The following RABGAP1L variants were observed in gnomAD, a reference collection of about 807,000 sequenced individuals.
The protein encoded by RABGAP1L is rab GTPase-activating protein 1-like.
A neutral mutation model predicts 137.7 loss-of-function variants in RABGAP1L; 63 were observed. The ratio of observed to expected loss-of-function variants is 0.46; its 90% CI spans 0.37 to 0.56. The LOEUF is 0.56. Ranked by LOEUF, RABGAP1L falls within the 20% of genes least tolerant of loss-of-function variation. The pLI, the probability that RABGAP1L is intolerant of heterozygous loss-of-function variation, is 0.00. For missense variants in RABGAP1L, 1,095 were observed against 1,244.0 expected (o/e 0.88, Z 1.80); for synonymous variants, 431 against 433.7 (o/e 0.99, Z 0.08).
At chr1:174,188,628 TTC>T (rs1439088473) in intron 1 of RABGAP1L, among the ~76,000 whole-genome samples, 3 of 152,242 alleles carry the variant, frequency 2.0e-5, no homozygotes, top group African/African-American at 7.2e-5. Flanking sequence ...CTTTTGTGTC[TTC>T]TCTTTTTCCT....
At chr1:174,762,974 C>G (rs1685352767) in intron 18 of RABGAP1L, among the ~76,000 whole-genome samples, 1 of 151,882 alleles carries the variant, frequency 6.6e-6, no homozygotes, top group Non-Finnish European at 1.5e-5. Context: ...GCCGCCACAC[C>G]TGGCTAATTT....
intron 19 of RABGAP1L, among the ~76,000 whole-genome samples, chr1:174,934,153 A>G (rs1290532144): frequency 6.6e-6 from 1 of 152,066 alleles, no homozygotes; most frequent in African/African-American, 2.4e-5. Context: ...CAATGGCACA[A>G]TCTCAGCTCA....
intron 19 of RABGAP1L, among the ~76,000 whole-genome samples, chr1:174,941,479 C>G: frequency 6.6e-6 from 1 of 152,198 alleles, no homozygotes; most frequent in Non-Finnish European, 1.5e-5. Flanking sequence ...TCCTCTGGCA[C>G]ATGAATTGCT....
At chr1:174,862,977 C>T (rs570274809) in intron 19 of RABGAP1L, among the ~76,000 whole-genome samples, 2 of 151,828 alleles carry the variant, frequency 1.3e-5, no homozygotes, top group East Asian at 3.9e-4. Flanking sequence ...TCACTGCAAC[C>T]TCTGCCACCT....
chr1:174,786,943 A>G (rs954996619), intron 18 of RABGAP1L, among the ~76,000 whole-genome samples: 5 of 152,204 alleles, frequency 3.3e-5, no homozygotes, highest in African/African-American at 7.2e-5. Flanking sequence ...TGGGTACTAG[A>G]GGTGCGAAAA....
intron 7 of RABGAP1L, among the ~76,000 whole-genome samples, chr1:174,259,810 T>A (rs911245331): frequency 6.6e-6 from 1 of 151,660 alleles, no homozygotes; most frequent in Non-Finnish European, 1.5e-5. Flanking sequence ...TCTTAACATA[T>A]GAGGAAGGTA....
intron 1 of RABGAP1L, among the ~76,000 whole-genome samples, chr1:174,191,616 T>A (rs1667215584): frequency 6.6e-6 from 1 of 152,220 alleles, no homozygotes; most frequent in African/African-American, 2.4e-5. Context: ...AGCTGCTAAT[T>A]AAACATTTAT....
intron 19 of RABGAP1L, among the ~76,000 whole-genome samples, chr1:174,911,473 G>A (rs1660046745): frequency 6.6e-6 from 1 of 152,066 alleles, no homozygotes; most frequent in Non-Finnish European, 1.5e-5. Flanking sequence ...CACCTATAAA[G>A]GATATTTTGG....
At chr1:174,336,208 G>C (rs1319098532) in intron 11 of RABGAP1L, among the ~76,000 whole-genome samples, 1 of 152,174 alleles carries the variant, frequency 6.6e-6, no homozygotes, top group African/African-American at 2.4e-5. Flanking sequence ...GAACTCCTGG[G>C]TTCAAGTGAA....
intron 13 of RABGAP1L, among the ~76,000 whole-genome samples, chr1:174,605,978 A>G (rs1352186726): frequency 2.0e-5 from 3 of 152,108 alleles, no homozygotes; most frequent in South Asian, 2.1e-4. Context: ...TCTTGCTTCA[A>G]TTTTGGTGGA....
chr1:174,303,403 T>C (rs1677908482), intron 10 of RABGAP1L, among the ~76,000 whole-genome samples: 1 of 152,146 alleles, frequency 6.6e-6, no homozygotes. Context: ...CTTTAGAGAA[T>C]TTATAGAGAT....
chr1:174,466,191 A>C (rs1330023949), intron 13 of RABGAP1L, among the ~76,000 whole-genome samples: 1 of 152,186 alleles, frequency 6.6e-6, no homozygotes, highest in Non-Finnish European at 1.5e-5. Flanking sequence ...AGGGCTTTGC[A>C]GTTATTCCTT....
At chr1:174,666,456 T>C (rs1001627873) in intron 14 of RABGAP1L, among the ~76,000 whole-genome samples, 2 of 152,194 alleles carry the variant, frequency 1.3e-5, no homozygotes, top group African/African-American at 2.4e-5. Flanking sequence ...GAGAAACATG[T>C]GTCAGAGTTA....
chr1:174,305,234 C>T, intron 11 of RABGAP1L, 107 bp downstream of exon 11: 2 of 1,196,584 alleles, frequency 1.7e-6, no homozygotes, highest in Non-Finnish European at 2.2e-6. Context: ...TATTCCTAAC[C>T]TCTGTTACCA....
At chr1:174,457,749 T>C (rs1656209951) in intron 13 of RABGAP1L, among the ~76,000 whole-genome samples, 2 of 152,106 alleles carry the variant, frequency 1.3e-5, no homozygotes, top group African/African-American at 2.4e-5. Context: ...GTGATCCACC[T>C]GCCCTGGTCT....
At chr1:174,949,845 C>T (rs901333140) in intron 19 of RABGAP1L, among the ~76,000 whole-genome samples, 1 of 152,122 alleles carries the variant, frequency 6.6e-6, no homozygotes, top group African/African-American at 2.4e-5. Context: ...AACAGGTAAG[C>T]AGATTCTATA....
intron 13 of RABGAP1L, among the ~76,000 whole-genome samples, chr1:174,551,107 G>T (rs1173619995): frequency 1.4e-5 from 2 of 147,846 alleles, no homozygotes; most frequent in Non-Finnish European, 3.0e-5. Flanking sequence ...TACTCGGGAG[G>T]CTGAGGGAGG....
chr1:174,444,306 A>G (rs1654495066), intron 13 of RABGAP1L, among the ~76,000 whole-genome samples: 4 of 152,058 alleles, frequency 2.6e-5, no homozygotes, highest in East Asian at 1.9e-4. Flanking sequence ...ATCCATGAAC[A>G]TGGCATATCT....
chr1:174,183,151 A>T (rs1666514193), intron 1 of RABGAP1L, among the ~76,000 whole-genome samples: 1 of 152,248 alleles, frequency 6.6e-6, no homozygotes, highest in Non-Finnish European at 1.5e-5. Context: ...GATGTACTTC[A>T]CATAAAGATG....
Sources: allele counts gnomAD v4.1 joint callset (sites outside exome capture counted in the v4.1 genomes callset), GRCh38; gene constraint gnomAD v4.1.1; transcripts MANE v1.5; gene names NCBI Gene and HGNC (gene_info 2026-07-23, HGNC 2026-07-21).